The following PDK2 variants were observed in gnomAD, a reference collection of about 807,000 sequenced individuals.
PDK2 encodes pyruvate dehydrogenase kinase, isozyme 2.
PDK2 carries 34 observed loss-of-function variants against 50.4 expected under a neutral mutation model. The observed-to-expected ratio is 0.68, with a 90% CI of 0.51 to 0.90. The LOEUF (loss-of-function observed/expected upper bound fraction) is 0.90. Among genes scored for constraint, PDK2 ranks in the 40% least tolerant of loss-of-function variants. PDK2 has a pLI of 0.00. For synonymous variants in PDK2, 232 were observed against 216.0 expected (o/e 1.07, Z -0.65); for missense variants, 377 against 544.5 (o/e 0.69, Z 3.06).
At chr17:50,105,343 G>A in intron 2 of PDK2, 28 bp from the exon 3 acceptor site, 1 of 1,561,340 alleles carries the variant, frequency 6.4e-7, no homozygotes, top group Non-Finnish European at 8.7e-7. Context: ...CTGAAGCTGA[G>A]GCTGTGTCCC....
chr17:50,096,196 G>A, intron 1 of PDK2: 1 of 985,544 alleles, frequency 1.0e-6, no homozygotes, highest in South Asian at 4.7e-5. Context: ...GTTCCGGCCT[G>A]GCAGCCTCTC....
At chr17:50,104,748 G>A (rs1480053732) in intron 2 of PDK2, among the ~76,000 whole-genome samples, 2 of 152,142 alleles carry the variant, frequency 1.3e-5, no homozygotes, top group Non-Finnish European at 2.9e-5. Context: ...AGCCAGGCAC[G>A]CCCACCCCAC....
In PDK2 at chr17:50,110,401, G is replaced by T. The variant is rs1399689282; in HGVS notation, c.*304G>T. ...TGGCAGTCCTCCTCTCTGAGACCAGGGCTGTCACTTTTCTGCCAGGGGTAC... is the reference window on the plus strand; with the variant it reads ...TGGCAGTCCTCCTCTCTGAGACCAGTGCTGTCACTTTTCTGCCAGGGGTAC... On this transcript the variant is annotated 3_prime_UTR_variant, in exon 11 of 11. Transcript: ENST00000503176. The T allele has an allele frequency of 4.1e-6, 1 of 246,338 alleles. No individual in the cohort carries two copies. The allele number at this position is 246,338 out of a possible 1,614,324, so 15.3% of individuals were successfully genotyped here. A position where few individuals can be genotyped will look rare whatever the true frequency, so the allele number is the denominator to read the frequency against.
intron 2 of PDK2, 157 bp downstream of exon 2, chr17:50,097,721 T>C: frequency 1.3e-6 from 1 of 771,762 alleles, no homozygotes; most frequent in Non-Finnish European, 2.0e-6. Context: ...TAGGGTCACG[T>C]GGGAATCTGA....
intron 2 of PDK2, among the ~76,000 whole-genome samples, chr17:50,099,518 G>A (rs1310152263): frequency 6.6e-6 from 1 of 152,276 alleles, no homozygotes; most frequent in African/African-American, 2.4e-5. Flanking sequence ...CTTAGGCCGG[G>A]CGCGGTGGCT....
rs374197976 is a variant in PDK2 at position 50,096,681 on chromosome 17, G to T, written c.119-742G>T. On this transcript the variant is annotated intron_variant, in intron 1 of 10. Transcript: ENST00000503176. Reference sequence around the variant, plus strand: ...ATTACAGAAACATCACAGCTGTGAGGGGCTCACAGTAGAGTTTGGTCAACT... The same window carrying T: ...ATTACAGAAACATCACAGCTGTGAGTGGCTCACAGTAGAGTTTGGTCAACT... 7.2e-5 allele frequency among the ~76,000 whole-genome samples: 11 copies of T among 152,286 alleles called. No individual in the cohort carries two copies. In the East Asian group the frequency reaches 1.9e-3, roughly 27 times the overall value.
In PDK2 at chr17:50,097,542, T is replaced by A; in HGVS notation, c.238T>A (p.Ser80Thr). Residue 80 changes from serine to threonine, a missense_variant, in exon 2 of 11, where the codon TCC (serine) becomes ACC (threonine). Around this residue, in one of 3 missense-constraint regions of PDK2, gnomAD observed 100 missense variants for 115.5 expected, o/e 0.87. Transcript: ENST00000503176. ...TCCCGACCGAGTGCTGAGCACACCCTCCGTGCAGCTGGTGCAGAGCTGGTG... is the reference window on the plus strand; with the variant it reads ...TCCCGACCGAGTGCTGAGCACACCCACCGTGCAGCTGGTGCAGAGCTGGTG... ...LLPDRVLSTP[S>T]VQLVQSWYVQ... 1 of 1,613,610 alleles carries A rather than the reference T, an allele frequency of 6.2e-7. No homozygotes were observed.
At position 50,101,566 on chromosome 17, in the gene PDK2, A is replaced by G. The variant is rs1232863378; in HGVS notation, c.261-3805A>G. The stretch of plus-strand genomic sequence containing the variant: ...CCCCAGCAGCTGTGGATACGAGTGC[A>G]CAGGGCACACCCTCGCACACACCCA... On this transcript the variant is annotated intron_variant, in intron 2 of 10. Coordinates refer to ENST00000503176, the MANE Select transcript of PDK2 (RefSeq NM_002611.5). This position sits in a 1 kb window ranked among gnomAD's most constrained non-coding sequence, Gnocchi z 4.2. Among the ~76,000 whole-genome samples the G allele has an allele frequency of 6.7e-6, 1 of 149,790 alleles. No individual in the cohort carries two copies. Among genetic ancestry groups the G allele is most frequent in the Non-Finnish European group, 1.5e-5 (1 of 67,988 alleles).
Position 50,110,098 on chromosome 17 carries a change from G to C in PDK2, c.*1G>C. 1 of 1,598,166 alleles carries C rather than the reference G, an allele frequency of 6.3e-7. No individual in the cohort carries two copies. The highest frequency in any genetic ancestry group is 8.5e-7 in the Non-Finnish European group (1 of 1,170,578). On this transcript the variant is annotated 3_prime_UTR_variant, in exon 11 of 11. Transcript: ENST00000503176. The stretch of plus-strand genomic sequence containing the variant: ...CACGTCCACGTACCGCGTCAGCTAA[G>C]GGCCGCCGTGCATCTGCACCTGAGA...
rs1910207280 is a variant in PDK2 at position 50,101,190 on chromosome 17, G to A, written c.260+3626G>A. On this transcript the variant is annotated intron_variant, in intron 2 of 10. Transcript: ENST00000503176. This position sits in a 1 kb window ranked among gnomAD's most constrained non-coding sequence, Gnocchi z 4.2. ...AACCTCCCTTGCCCGTCAGCAAGGT[G>A]TGTGGACCCCATACAGGGGGTGTGG... is the stretch of plus-strand genomic sequence containing the variant. The A allele has an allele frequency of 6.6e-6, 1 of 152,188 alleles. No individual in the cohort carries two copies. Among genetic ancestry groups the A allele is most frequent in the South Asian group, 2.1e-4 (1 of 4,828 alleles). 9.4% of individuals were successfully genotyped at this position (152,188 alleles called of 1,614,324 possible). A position where few individuals can be genotyped will look rare whatever the true frequency, so the allele number is the denominator to read the frequency against.
Position 50,095,399 on chromosome 17 carries a change from C to T in PDK2, c.-37C>T. 2 of 1,477,232 alleles carry T rather than the reference C, an allele frequency of 1.4e-6. No homozygotes were observed. Among genetic ancestry groups the T allele is most frequent in the Non-Finnish European group, 1.9e-6 (2 of 1,069,216 alleles). 91.5% of individuals were successfully genotyped at this position (1,477,232 alleles called of 1,614,324 possible). A position where few individuals can be genotyped will look rare whatever the true frequency, so the allele number is the denominator to read the frequency against. Reference sequence around the variant, plus strand: ...CCGAAAGGTGCGCGAGCGCTGCCCGCGCGGGGACCACAACCAAAGTCGCGG... The same window carrying T: ...CCGAAAGGTGCGCGAGCGCTGCCCGTGCGGGGACCACAACCAAAGTCGCGG... On this transcript the variant is annotated 5_prime_UTR_variant, in exon 1 of 11. Coordinates refer to ENST00000503176, the MANE Select transcript of PDK2 (RefSeq NM_002611.5).
At chr17:50,102,559 C>T (rs1348434068) in intron 2 of PDK2, among the ~76,000 whole-genome samples, 1 of 152,060 alleles carries the variant, frequency 6.6e-6, no homozygotes, top group East Asian at 1.9e-4. Context: ...TGCAGTGGGT[C>T]TCCTCCCCCT....
rs758686183 is a variant in PDK2 at position 50,097,541 on chromosome 17, C to A, written c.237C>A (p.Pro79=). The change falls in exon 2 of 11, where the codon CCC becomes CCA. Residue 79 remains proline (P), a synonymous_variant. Transcript: ENST00000503176. The part of the protein sequence containing the change: ...NLLPDRVLST[P]SVQLVQSWYV... ...TTCCCGACCGAGTGCTGAGCACACC[C>A]TCCGTGCAGCTGGTGCAGAGCTGGT... 3.1e-6 allele frequency: 5 copies of A among 1,613,660 alleles called. No homozygotes were observed. The highest frequency in any genetic ancestry group is 4.2e-6 in the Non-Finnish European group (5 of 1,180,004).
chr17:50,108,646 A>AG lies in PDK2; in HGVS notation c.897dup (p.Ile300AspfsTer2). On this transcript the variant is annotated frameshift_variant, in exon 9 of 11. Coordinates refer to ENST00000503176, the MANE Select transcript of PDK2 (RefSeq NM_002611.5). LOFTEE classifies it high-confidence loss of function. Reference sequence around the variant, plus strand: ...CGAGGTGGGGGTGTTCCCTTGAGGAAGATTGAGCGACTCTTCAGCTACATG... The same window carrying AG: ...CGAGGTGGGGGTGTTCCCTTGAGGAAGGATTGAGCGACTCTTCAGCTACATG... 1 of 1,613,216 alleles carries AG rather than the reference A, an allele frequency of 6.2e-7. No homozygotes were observed. The highest frequency in any genetic ancestry group is 8.5e-7 in the Non-Finnish European group (1 of 1,179,668).
chr17:50,108,382 A>G lies in PDK2; in HGVS notation c.826A>G (p.Met276Val), dbSNP rs1910634544. ...SSLILPPIKV[M>V]VALGEEDLSI... ...CCTCATTCTCCCACCCATCAAGGTCATGGTGGCCTTGGGTGAGGAAGATCT... is the reference window on the plus strand; with the variant it reads ...CCTCATTCTCCCACCCATCAAGGTCGTGGTGGCCTTGGGTGAGGAAGATCT... Residue 276 changes from methionine to valine, a missense_variant, in exon 8 of 11, where the codon ATG becomes GTG. Met to Val is a conservative substitution (Grantham distance 21). Around this residue, in one of 3 missense-constraint regions of PDK2, gnomAD observed 214 missense variants for 294.0 expected, o/e 0.73. Transcript: ENST00000503176. 1.2e-6 allele frequency: 2 copies of G among 1,614,034 alleles called. No individual in the cohort carries two copies. Among genetic ancestry groups the G allele is most frequent in the Non-Finnish European group, 1.7e-6 (2 of 1,179,910 alleles).
chr17:50,109,944 T>C lies in PDK2; in HGVS notation c.1084-13T>C. The C allele has an allele frequency of 6.5e-7, 1 of 1,530,492 alleles. No individual in the cohort carries two copies. The highest frequency in any genetic ancestry group is 8.8e-7 in the Non-Finnish European group (1 of 1,131,400). 94.8% of individuals were successfully genotyped at this position (1,530,492 alleles called of 1,614,324 possible). A position where few individuals can be genotyped will look rare whatever the true frequency, so the allele number is the denominator to read the frequency against. ...ACAGGGAGGTGGGAGGGGCTGACCC[T>C]GACACTCCCCAGGCCCTGTCCACGG... On this transcript the variant is annotated splice_polypyrimidine_tract_variant and intron_variant, in intron 10 of 10. Transcript: ENST00000503176. This position sits in a 1 kb window ranked among gnomAD's most constrained non-coding sequence, Gnocchi z 5.0.
In PDK2 at chr17:50,110,174, T is replaced by A. The variant is rs773718871; in HGVS notation, c.*77T>A. ...CCCACCGTGGTGCCCCTCACCATCC[T>A]CCTGGGGGAGCAGGGGGTGGGTTCT... On this transcript the variant is annotated 3_prime_UTR_variant, in exon 11 of 11. Coordinates refer to ENST00000503176, the MANE Select transcript of PDK2 (RefSeq NM_002611.5). 22 of 1,442,556 alleles carry A rather than the reference T, an allele frequency of 1.5e-5. No individual in the cohort carries two copies. Among genetic ancestry groups the A allele is most frequent in the Non-Finnish European group, 2.0e-5 (22 of 1,081,436 alleles). 89.4% of individuals were successfully genotyped at this position (1,442,556 alleles called of 1,614,324 possible).
chr17:50,106,552 G>T (rs1910527250), intron 4 of PDK2: 1 of 575,696 alleles, frequency 1.7e-6, no homozygotes, highest in Non-Finnish European at 3.1e-6. Flanking sequence ...GTGATGTGGG[G>T]AGAGACCTCT....
At chr17:50,103,233 A>G (rs11079895) in intron 2 of PDK2, among the ~76,000 whole-genome samples, 19,763 of 152,152 alleles carry the variant, frequency 0.13, 1,873 homozygotes, top group East Asian at 0.36. Flanking sequence ...ATCAGCAGCC[A>G]CAGCTCCTCC....
Sources: allele counts gnomAD v4.1 joint callset (sites outside exome capture counted in the v4.1 genomes callset), GRCh38; gene constraint gnomAD v4.1.1; regional missense constraint gnomAD v4.1.1; non-coding constraint Gnocchi (gnomAD v3.1); transcripts MANE v1.5; gene names NCBI Gene and HGNC (gene_info 2026-07-23, HGNC 2026-07-21).